KSR1: variants seen among roughly 807,000 people sequenced by gnomAD.
KSR1 encodes kinase suppressor of ras 1.
KSR1 carries 35 observed loss-of-function variants against 92.9 expected under a neutral mutation model. The observed-to-expected ratio is 0.38, with a 90% CI of 0.29 to 0.50. The LOEUF is 0.50. Among genes scored for constraint, KSR1 ranks in the 20% least tolerant of loss-of-function variants. The pLI is 0.94. For missense variants in KSR1, 972 were observed against 1,158.5 expected, an observed-to-expected ratio of 0.84 and a Z score of 2.34; for synonymous variants, 467 against 472.6, an observed-to-expected ratio of 0.99 and a Z score of 0.15.
At chr17:27,553,481 G>A (rs937114853) in intron 2 of KSR1, among the ~76,000 whole-genome samples, 10 of 152,184 alleles carry the variant, frequency 6.6e-5, no homozygotes, top group African/African-American at 1.2e-4. Context: ...TCCTCCTTCC[G>A]TCCCCCCAGT....
In KSR1 at chr17:27,459,769, G is replaced by T. The variant is rs2019345717; in HGVS notation, c.231+2895G>T. On this transcript the variant is annotated intron_variant, in intron 1 of 20. Coordinates refer to ENST00000644974, the MANE Select transcript of KSR1 (RefSeq NM_001394583.1). This position sits in a 1 kb window ranked among gnomAD's most constrained non-coding sequence, Gnocchi z 4.6. Reference sequence around the variant, plus strand: ...AAGCAGCACGTGAAATGTCCGTGGAGGTCCCTGACCAGGGATGGGCTGCTG... The same window carrying T: ...AAGCAGCACGTGAAATGTCCGTGGATGTCCCTGACCAGGGATGGGCTGCTG... Among the ~76,000 whole-genome samples the T allele has an allele frequency of 6.6e-6, 1 of 152,240 alleles. No homozygotes were observed. The highest frequency in any genetic ancestry group is 2.1e-4 in the South Asian group (1 of 4,830).
chr17:27,522,331 C>A (rs1300033212), intron 1 of KSR1, among the ~76,000 whole-genome samples: 2 of 152,226 alleles, frequency 1.3e-5, no homozygotes, highest in African/African-American at 4.8e-5. Flanking sequence ...AACAACCACG[C>A]AATCCTCCAC....
intron 11 of KSR1, 28 bp downstream of exon 11, chr17:27,601,429 T>A (rs118139250): frequency 0.016 from 25,090 of 1,601,972 alleles, 233 homozygotes; most frequent in Non-Finnish European, 0.019. Flanking sequence ...TTCCATTAAC[T>A]GCCCTTTGCT....
intron 14 of KSR1, 71 bp downstream of exon 14, chr17:27,605,884 G>T: frequency 6.3e-7 from 1 of 1,582,532 alleles, no homozygotes; most frequent in Non-Finnish European, 8.6e-7. Context: ...CCCTGTTTGT[G>T]TGGATGCCCT....
Position 27,619,677 on chromosome 17 carries a change from G to T in KSR1, c.2628-1516G>T, listed in dbSNP as rs370213830. Among the ~76,000 whole-genome samples the T allele has an allele frequency of 2.0e-5, 3 of 151,418 alleles. No individual in the cohort carries two copies. In the East Asian group the frequency reaches 5.8e-4, roughly 29 times the overall value. ...CTCCCAAAGTGCTGGGATTACAGTC[G>T]TGAGCCACTGCACCCAGCCTCCAGG... On this transcript the variant is annotated intron_variant, in intron 19 of 20. Coordinates refer to ENST00000644974, the MANE Select transcript of KSR1 (RefSeq NM_001394583.1).
chr17:27,570,951 C>T (rs891816227), intron 2 of KSR1, among the ~76,000 whole-genome samples: 2 of 152,204 alleles, frequency 1.3e-5, no homozygotes, highest in South Asian at 2.1e-4. Context: ...GATTGAGAGC[C>T]GTTGATTTGT....
At chr17:27,480,889 C>T (rs889276113) in intron 1 of KSR1, among the ~76,000 whole-genome samples, 2 of 152,166 alleles carry the variant, frequency 1.3e-5, no homozygotes, top group Non-Finnish European at 2.9e-5. Flanking sequence ...CCTCCTTAGT[C>T]GCATGCGTGT....
intron 1 of KSR1, among the ~76,000 whole-genome samples, chr17:27,471,245 A>G (rs2019984523): frequency 6.6e-6 from 1 of 152,230 alleles, no homozygotes; most frequent in Non-Finnish European, 1.5e-5. Context: ...GGAAGGAGCA[A>G]GGAAGAAAAT....
chr17:27,502,809 G>A (rs1341101878), intron 1 of KSR1, among the ~76,000 whole-genome samples: 2 of 152,288 alleles, frequency 1.3e-5, no homozygotes, highest in Non-Finnish European at 2.9e-5. Context: ...TCCTGTCTGG[G>A]GCCAGGATGA....
chr17:27,473,319 A>G (rs1158119790), intron 1 of KSR1, among the ~76,000 whole-genome samples: 1 of 152,232 alleles, frequency 6.6e-6, no homozygotes, highest in Non-Finnish European at 1.5e-5. Context: ...GCATTTTAGA[A>G]GAAGTAATGC....
intron 2 of KSR1, among the ~76,000 whole-genome samples, chr17:27,552,921 A>G (rs2151095303): frequency 6.6e-6 from 1 of 152,210 alleles, no homozygotes; most frequent in South Asian, 2.1e-4. Flanking sequence ...CCAACACCCT[A>G]CTTAATAGAG....
chr17:27,535,748 A>G (rs2070730649), intron 1 of KSR1, among the ~76,000 whole-genome samples: 1 of 152,248 alleles, frequency 6.6e-6, no homozygotes, highest in South Asian at 2.1e-4. Context: ...GTCAGCCAGC[A>G]GCTGTGTCAT....
chr17:27,529,628 AT>A (rs2070457655), intron 1 of KSR1, among the ~76,000 whole-genome samples: 1 of 152,112 alleles, frequency 6.6e-6, no homozygotes, highest in South Asian at 2.1e-4. Context: ...CTTGCTTATT[AT>A]TAAGGTGGGA....
At chr17:27,594,922 C>T (rs1412298641) in intron 9 of KSR1, among the ~76,000 whole-genome samples, 1 of 152,182 alleles carries the variant, frequency 6.6e-6, no homozygotes, top group Non-Finnish European at 1.5e-5. Flanking sequence ...TATACAGTGG[C>T]TCTGAAAGGT....
chr17:27,588,413 A>G, intron 5 of KSR1, 62 bp from the exon 6 acceptor site: 1 of 1,474,754 alleles, frequency 6.8e-7, no homozygotes. Flanking sequence ...TTAGGAAGTC[A>G]TGGGCACGAG....
At position 27,597,423 on chromosome 17, in the gene KSR1, G is replaced by A; in HGVS notation, c.1455G>A (p.Arg485=). ...CCTCACCTGGCCAGCGGGACAGCAGGTTCAACTTCCCAGGTACCACATCTC... is the reference window on the plus strand; with the variant it reads ...CCTCACCTGGCCAGCGGGACAGCAGATTCAACTTCCCAGGTACCACATCTC... ...PNPSPGQRDS[R]FNFPAAYFIH... The change falls in exon 10 of 21, where the codon AGG becomes AGA. Residue 485 remains arginine, a synonymous_variant. Transcript: ENST00000644974. 6.2e-7 allele frequency: 1 copy of A among 1,605,994 alleles called. No homozygotes were observed. Among genetic ancestry groups the A allele is most frequent in the South Asian group, 1.1e-5 (1 of 90,166 alleles).
intron 6 of KSR1, among the ~76,000 whole-genome samples, chr17:27,590,600 A>G (rs950857168): frequency 6.6e-6 from 1 of 152,218 alleles, no homozygotes; most frequent in African/African-American, 2.4e-5. Context: ...ACTTCAGCAT[A>G]TTGACAATGA....
intron 9 of KSR1, 63 bp downstream of exon 9, chr17:27,592,689 C>A: frequency 7.2e-7 from 1 of 1,383,766 alleles, no homozygotes; most frequent in Non-Finnish European, 9.9e-7. Flanking sequence ...TATAAAGCAC[C>A]CCTGCCTCAG....
chr17:27,601,934 G>T, intron 11 of KSR1: 1 of 1,608,408 alleles, frequency 6.2e-7, no homozygotes, highest in South Asian at 1.1e-5. Context: ...CCTTATTGCA[G>T]AAAGTTTAAA....
Sources: allele counts gnomAD v4.1 joint callset (sites outside exome capture counted in the v4.1 genomes callset), GRCh38; gene constraint gnomAD v4.1.1; non-coding constraint Gnocchi (gnomAD v3.1); transcripts MANE v1.5; gene names NCBI Gene and HGNC (gene_info 2026-07-23, HGNC 2026-07-21).